The following SCHIP1 variants were observed in gnomAD, a reference collection of about 807,000 sequenced individuals.
The protein encoded by SCHIP1 is schwannomin-interacting protein 1.
SCHIP1 carries 8 observed loss-of-function variants against 29.7 expected under a neutral mutation model. That is an observed-to-expected ratio of 0.27 (90% CI 0.16 to 0.49). SCHIP1 has a LOEUF of 0.49. Ranked by LOEUF, SCHIP1 falls within the 20% of genes least tolerant of loss-of-function variation. The pLI is 0.99. For synonymous variants in SCHIP1, 76 were observed against 94.9 expected (o/e 0.80, Z 1.16); for missense variants, 193 against 294.6 (o/e 0.66, Z 2.52).
chr3:159,612,572 C>T, the SCHIP1 span, among the ~76,000 whole-genome samples: 1 of 152,192 alleles, frequency 6.6e-6, no homozygotes, highest in African/African-American at 2.4e-5. Flanking sequence ...CATGGCGAAA[C>T]TCCGTCTCTA....
the SCHIP1 span, among the ~76,000 whole-genome samples, chr3:159,636,047 T>C: frequency 6.6e-6 from 1 of 151,204 alleles, no homozygotes; most frequent in Non-Finnish European, 1.5e-5. Flanking sequence ...AATATTTTAT[T>C]ATTTTATTTT....
At chr3:159,347,297 T>C in the SCHIP1 span, among the ~76,000 whole-genome samples, 4 of 152,186 alleles carry the variant, frequency 2.6e-5, no homozygotes, top group African/African-American at 9.6e-5. Context: ...ACTGAAGTAT[T>C]CCAGATCATA....
the SCHIP1 span, among the ~76,000 whole-genome samples, chr3:159,512,891 CTA>C: frequency 6.6e-6 from 1 of 152,214 alleles, no homozygotes; most frequent in South Asian, 2.1e-4. Context: ...CTTCTACTCT[CTA>C]TGAGTTCAAT....
chr3:159,535,778 G>A, the SCHIP1 span, among the ~76,000 whole-genome samples: 1 of 152,148 alleles, frequency 6.6e-6, no homozygotes, highest in African/African-American at 2.4e-5. Flanking sequence ...AACATTTTAG[G>A]CTTTGCAGGT....
chr3:159,487,638 A>C, the SCHIP1 span, among the ~76,000 whole-genome samples: 44 of 152,160 alleles, frequency 2.9e-4, no homozygotes, highest in Non-Finnish European at 5.9e-4. Flanking sequence ...CAAACACATA[A>C]AACTGAGATT....
chr3:159,818,054 C>T, the SCHIP1 span, among the ~76,000 whole-genome samples: 2 of 152,166 alleles, frequency 1.3e-5, no homozygotes, highest in Non-Finnish European at 2.9e-5. Context: ...AGACAACAGC[C>T]CTCTCCACAA....
chr3:159,521,203 G>A, the SCHIP1 span, among the ~76,000 whole-genome samples: 1 of 152,104 alleles, frequency 6.6e-6, no homozygotes, highest in Non-Finnish European at 1.5e-5. Context: ...GACATGTATA[G>A]TCAGCATACA....
upstream of SCHIP1, among the ~76,000 whole-genome samples, chr3:159,837,616 C>T (rs574603420): frequency 2.6e-5 from 4 of 151,970 alleles, no homozygotes; most frequent in South Asian, 4.2e-4. Flanking sequence ...CCGGCTACTC[C>T]GGGGGCTGAG....
At chr3:159,824,353 C>A in the SCHIP1 span, among the ~76,000 whole-genome samples, 1 of 152,142 alleles carries the variant, frequency 6.6e-6, no homozygotes, top group South Asian at 2.1e-4. Flanking sequence ...AGAGGTGTAG[C>A]CTTGAGATGA....
the SCHIP1 span, among the ~76,000 whole-genome samples, chr3:159,405,026 C>T: frequency 3.1e-4 from 47 of 152,112 alleles, no homozygotes; most frequent in African/African-American, 1.1e-3. Flanking sequence ...ACATCTTATC[C>T]AAGACCAAGG....
At chr3:159,878,833 A>G (rs1716150351) in intron 2 of SCHIP1, among the ~76,000 whole-genome samples, 1 of 150,392 alleles carries the variant, frequency 6.6e-6, no homozygotes, top group African/African-American at 2.4e-5. Flanking sequence ...AAAAATAAAT[A>G]AAAATAAATA....
At chr3:159,811,102 C>T in the SCHIP1 span, among the ~76,000 whole-genome samples, 1 of 152,132 alleles carries the variant, frequency 6.6e-6, no homozygotes, top group Admixed American at 6.5e-5. Context: ...ATTCATATTT[C>T]TTTGGTGAAA....
At chr3:159,421,736 G>A in the SCHIP1 span, among the ~76,000 whole-genome samples, 1 of 152,156 alleles carries the variant, frequency 6.6e-6, no homozygotes, top group Non-Finnish European at 1.5e-5. Flanking sequence ...TTGGGATTGG[G>A]ACTATATATT....
the SCHIP1 span, among the ~76,000 whole-genome samples, chr3:159,794,394 C>G: frequency 2.0e-5 from 3 of 152,310 alleles, no homozygotes; most frequent in East Asian, 5.8e-4. Flanking sequence ...GATTGCATAA[C>G]AGTTGGGTCT....
Position 159,861,539 on chromosome 3 carries a change from G to A in SCHIP1, c.31-4624G>A, listed in dbSNP as rs1387585315. 2.0e-5 allele frequency among the ~76,000 whole-genome samples: 3 copies of A among 152,172 alleles called. No homozygotes were observed. ...ATGGCATCATTGAAAGTCATTGTGAGCCTCATCTGCTCAGGCACAGCGGGT... is the reference window on the plus strand; with the variant it reads ...ATGGCATCATTGAAAGTCATTGTGAACCTCATCTGCTCAGGCACAGCGGGT... On this transcript the variant is annotated intron_variant, in intron 1 of 6. Transcript: ENST00000445224. The surrounding 1 kb of genome is among the most constrained non-coding windows in gnomAD (Gnocchi z 4.1).
At chr3:159,724,186 G>A in the SCHIP1 span, among the ~76,000 whole-genome samples, 1 of 152,102 alleles carries the variant, frequency 6.6e-6, no homozygotes, top group East Asian at 1.9e-4. Flanking sequence ...CTTATTGATT[G>A]CCTTTTCATA....
At chr3:159,782,227 CT>C in the SCHIP1 span, among the ~76,000 whole-genome samples, 1 of 152,236 alleles carries the variant, frequency 6.6e-6, no homozygotes, top group Non-Finnish European at 1.5e-5. Flanking sequence ...GGGCCACCTA[CT>C]TTTCATTAGA....
chr3:159,893,861 T>A (rs1338788041), intron 6 of SCHIP1: 1 of 152,182 alleles, frequency 6.6e-6, no homozygotes, highest in Non-Finnish European at 1.5e-5. Flanking sequence ...AGCTTCTACA[T>A]CTGCTCTTGG....
chr3:159,533,889 G>A, the SCHIP1 span, among the ~76,000 whole-genome samples: 1 of 152,160 alleles, frequency 6.6e-6, no homozygotes, highest in Non-Finnish European at 1.5e-5. Flanking sequence ...GCCAGAGAAG[G>A]TACACTGGAA....
Sources: gnomAD v4.1 joint callset for allele counts (sites outside exome capture counted in the v4.1 genomes callset) on GRCh38, gnomAD v4.1.1 for gene constraint, Gnocchi (gnomAD v3.1) non-coding constraint, MANE v1.5 for transcripts, NCBI Gene and HGNC (gene_info 2026-07-23, HGNC 2026-07-21) for gene names.